The following GRM7 variants were observed in gnomAD, a reference collection of about 807,000 sequenced individuals.
GRM7 encodes the protein metabotropic glutamate receptor 7.
In GRM7, 35 loss-of-function variants were observed where a neutral mutation model predicts 84.5. That is an observed-to-expected ratio of 0.41 (90% CI 0.32 to 0.55). The LOEUF is 0.55. Among genes scored for constraint, GRM7 ranks in the 20% least tolerant of loss-of-function variants. GRM7 has a pLI of 0.19. For missense variants in GRM7, 1,003 were observed against 1,194.6 expected (o/e 0.84, Z 2.36); for synonymous variants, 487 against 455.1 (o/e 1.07, Z -0.89).
intron 9 of GRM7, chr3:7,681,599 T>C (rs1056088765): frequency 6.6e-6 from 1 of 152,198 alleles, no homozygotes; most frequent in Non-Finnish European, 1.5e-5. Flanking sequence ...TAAAGGAACA[T>C]ACTGAGAAGG....
chr3:6,898,468 G>A (rs548739542), intron 1 of GRM7, among the ~76,000 whole-genome samples: 1 of 150,986 alleles, frequency 6.6e-6, no homozygotes, highest in East Asian at 1.9e-4. Context: ...GTGTGTGACT[G>A]AGCAGAAATG....
At chr3:7,038,390 C>A (rs1696461240) in intron 1 of GRM7, among the ~76,000 whole-genome samples, 1 of 152,146 alleles carries the variant, frequency 6.6e-6, no homozygotes, top group African/African-American at 2.4e-5. Flanking sequence ...TGCAGACTTG[C>A]TTGATTCCGC....
intron 2 of GRM7, among the ~76,000 whole-genome samples, chr3:7,167,082 A>G (rs1368603025): frequency 6.6e-6 from 1 of 152,226 alleles, no homozygotes; most frequent in Non-Finnish European, 1.5e-5. Flanking sequence ...GTATTTTAAT[A>G]TTCACTGTTC....
chr3:6,993,978 T>A (rs1694739336), intron 1 of GRM7, among the ~76,000 whole-genome samples: 1 of 152,146 alleles, frequency 6.6e-6, no homozygotes, highest in African/African-American at 2.4e-5. Flanking sequence ...TGCATAGAGA[T>A]CATAGTTGCC....
At chr3:7,551,970 G>C (rs940311425) in intron 7 of GRM7, among the ~76,000 whole-genome samples, 1 of 152,202 alleles carries the variant, frequency 6.6e-6, no homozygotes, top group Admixed American at 6.5e-5. Flanking sequence ...TGGCAGGAAA[G>C]AGAAGTGCTG....
At chr3:7,525,212 A>C (rs1178768844) in intron 7 of GRM7, among the ~76,000 whole-genome samples, 1 of 152,086 alleles carries the variant, frequency 6.6e-6, no homozygotes, top group South Asian at 2.1e-4. Context: ...ACATGTATAC[A>C]TATGTAACTA....
intron 8 of GRM7, among the ~76,000 whole-genome samples, chr3:7,661,758 C>A (rs1699457386): frequency 7.7e-6 from 1 of 129,276 alleles, no homozygotes; most frequent in African/African-American, 3.0e-5. Flanking sequence ...CGTGCCACTG[C>A]ACTCCAGCCT....
At chr3:7,734,657 G>T (rs916046012) in intron 9 of GRM7, among the ~76,000 whole-genome samples, 1 of 152,134 alleles carries the variant, frequency 6.6e-6, no homozygotes, top group African/African-American at 2.4e-5. Context: ...ACAAATCCAG[G>T]TACCAAACAT....
At chr3:7,496,302 C>T (rs1699699170) in intron 7 of GRM7, among the ~76,000 whole-genome samples, 1 of 152,278 alleles carries the variant, frequency 6.6e-6, no homozygotes. Context: ...CACTGTGAGC[C>T]TCTGGACATG....
At chr3:7,252,715 A>G (rs1698042692) in intron 2 of GRM7, among the ~76,000 whole-genome samples, 1 of 12,668 alleles carries the variant, frequency 7.9e-5, no homozygotes, top group Non-Finnish European at 2.2e-4. Context: ...TGTGAGATGG[A>G]GTTTTGCTGT....
intron 9 of GRM7, among the ~76,000 whole-genome samples, chr3:7,738,429 T>C (rs17047886): frequency 0.1 from 15,447 of 152,178 alleles, 1,176 homozygotes; most frequent in African/African-American, 0.21. Context: ...ATAATCTAAG[T>C]AAAGCATCAA....
intron 8 of GRM7, among the ~76,000 whole-genome samples, chr3:7,621,888 G>A (rs964381990): frequency 6.6e-6 from 1 of 152,118 alleles, no homozygotes; most frequent in African/African-American, 2.4e-5. Flanking sequence ...ATCAAGAGTA[G>A]CAAGAATATG....
intron 2 of GRM7, among the ~76,000 whole-genome samples, chr3:7,283,905 A>G (rs1349055914): frequency 2.0e-5 from 3 of 152,234 alleles, no homozygotes; most frequent in Non-Finnish European, 4.4e-5. Context: ...ATTTCATTTG[A>G]AAGCTGATTC....
At chr3:7,464,435 T>A (rs1177004959) in intron 7 of GRM7, among the ~76,000 whole-genome samples, 1 of 152,154 alleles carries the variant, frequency 6.6e-6, no homozygotes, top group Admixed American at 6.5e-5. Context: ...TGAATCATAA[T>A]TATAAAACAA....
intron 1 of GRM7, among the ~76,000 whole-genome samples, chr3:6,958,469 A>G (rs917541275): frequency 6.6e-6 from 1 of 152,150 alleles, no homozygotes; most frequent in African/African-American, 2.4e-5. Context: ...TCTTTTGTAA[A>G]TAAAGCTGTT....
At chr3:7,017,023 T>A (rs527316925) in intron 1 of GRM7, among the ~76,000 whole-genome samples, 1 of 152,228 alleles carries the variant, frequency 6.6e-6, no homozygotes, top group African/African-American at 2.4e-5. Context: ...TGAAGCAGAG[T>A]CTGCATTTTA....
At chr3:7,378,963 T>C in intron 4 of GRM7, among the ~76,000 whole-genome samples, 1 of 152,242 alleles carries the variant, frequency 6.6e-6, no homozygotes, top group East Asian at 1.9e-4. Context: ...ACAGAAACAC[T>C]ATCCAGCCCA....
At chr3:7,615,202 C>T (rs1221366642) in intron 8 of GRM7, among the ~76,000 whole-genome samples, 1 of 152,042 alleles carries the variant, frequency 6.6e-6, no homozygotes. Flanking sequence ...TATTCTTCCT[C>T]CCTTAGAGTT....
chr3:7,579,663 T>G (rs2125053765), intron 8 of GRM7, among the ~76,000 whole-genome samples: 1 of 152,302 alleles, frequency 6.6e-6, no homozygotes, highest in African/African-American at 2.4e-5. Context: ...TCATATTCAT[T>G]TATTCCTCAA....
Sources: gnomAD v4.1 joint callset for allele counts (sites outside exome capture counted in the v4.1 genomes callset) on GRCh38, gnomAD v4.1.1 for gene constraint, MANE v1.5 for transcripts, NCBI Gene and HGNC (gene_info 2026-07-23, HGNC 2026-07-21) for gene names.